Variants in ARHGAP10 observed in about 807,000 individuals in gnomAD.
ARHGAP10 encodes Rho GTPase activating protein 10.
In ARHGAP10, 87 loss-of-function variants were observed where a neutral mutation model predicts 108.6. The ratio of observed to expected loss-of-function variants is 0.80; its 90% CI spans 0.67 to 0.96. The LOEUF (loss-of-function observed/expected upper bound fraction) is 0.96. Among genes scored for constraint, ARHGAP10 ranks in the 40% least tolerant of loss-of-function variants. The pLI is 0.00. For missense variants in ARHGAP10, 939 were observed against 954.5 expected (o/e 0.98, Z 0.21); for synonymous variants, 347 against 341.1 (o/e 1.02, Z -0.19).
At chr4:147,997,742 TTGA>T (rs1324384978) in intron 18 of ARHGAP10, among the ~76,000 whole-genome samples, 1 of 152,192 alleles carries the variant, frequency 6.6e-6, no homozygotes, top group African/African-American at 2.4e-5. Flanking sequence ...AATTCTGAGG[TTGA>T]TAAGTCTTGA....
intron 18 of ARHGAP10, among the ~76,000 whole-genome samples, chr4:148,001,504 T>C (rs905806531): frequency 1.4e-4 from 22 of 152,242 alleles, no homozygotes; most frequent in Admixed American, 7.9e-4. Flanking sequence ...TTACCTTGGG[T>C]GGTATGGCCA....
At chr4:147,799,446 G>GGGCT (rs1187169357) in intron 1 of ARHGAP10, among the ~76,000 whole-genome samples, 1 of 151,826 alleles carries the variant, frequency 6.6e-6, no homozygotes, top group African/African-American at 2.4e-5. Context: ...TTTCCTCTTG[G>GGGCT]GGCTCAATGA....
chr4:147,851,742 C>A (rs1450736535), intron 4 of ARHGAP10, among the ~76,000 whole-genome samples: 1 of 152,190 alleles, frequency 6.6e-6, no homozygotes, highest in East Asian at 1.9e-4. Context: ...AATTACAACA[C>A]TGGCCAGCCT....
At chr4:147,804,674 C>T (rs1212869664) in intron 1 of ARHGAP10, among the ~76,000 whole-genome samples, 1 of 152,116 alleles carries the variant, frequency 6.6e-6, no homozygotes, top group Non-Finnish European at 1.5e-5. Context: ...TTTTGGTAGC[C>T]ATTGTGACTG....
rs1578742720 is a variant in ARHGAP10 at position 147,968,123 on chromosome 4, T to C, written c.1716+1284T>C. Among the ~76,000 whole-genome samples the C allele has an allele frequency of 2.6e-5, 4 of 152,292 alleles. 1 individual carries two copies. The highest frequency in any genetic ancestry group is 2.6e-4 in the Admixed American group (4 of 15,298). ...GAGAATTGCAAGGAGCTGGTGTCTA[T>C]TCAGTTTAGCTGGGCTTCATTTATA... is the stretch of plus-strand genomic sequence containing the variant. On this transcript the variant is annotated intron_variant, in intron 18 of 22. Transcript: ENST00000336498.
In ARHGAP10 at chr4:147,876,547, C is replaced by T. The variant is rs889815697; in HGVS notation, c.832+1397C>T. Among the ~76,000 whole-genome samples, 7 of 152,032 alleles carry T rather than the reference C, an allele frequency of 4.6e-5. No individual in the cohort carries two copies. In the South Asian group the frequency reaches 6.3e-4, roughly 14 times the overall value. On this transcript the variant is annotated intron_variant, in intron 8 of 22. Transcript: ENST00000336498. ...GGCGGAGCTTGCAGTGAGCCAAGAT[C>T]GCGCCACTGCACTCCAGCCTGGGTG...
chr4:148,001,562 C>T (rs1740719661), intron 18 of ARHGAP10, among the ~76,000 whole-genome samples: 1 of 151,864 alleles, frequency 6.6e-6, no homozygotes, highest in South Asian at 2.1e-4. Flanking sequence ...AATGTTCTTC[C>T]ATTTGTTTGT....
At chr4:148,049,270 C>T (rs570419565) in intron 20 of ARHGAP10, among the ~76,000 whole-genome samples, 1 of 152,292 alleles carries the variant, frequency 6.6e-6, no homozygotes, top group South Asian at 2.1e-4. Context: ...GTCCTGAGAG[C>T]TTGCCATTCT....
At chr4:147,770,593 CAT>C (rs1247418225) in intron 1 of ARHGAP10, among the ~76,000 whole-genome samples, 1 of 152,118 alleles carries the variant, frequency 6.6e-6, no homozygotes, top group African/African-American at 2.4e-5. Flanking sequence ...AACTTATAGT[CAT>C]GTGGTGTTAT....
chr4:147,947,871 G>A (rs906878047), intron 15 of ARHGAP10, among the ~76,000 whole-genome samples: 2 of 151,770 alleles, frequency 1.3e-5, no homozygotes, highest in Non-Finnish European at 2.9e-5. Context: ...AACCCTCATG[G>A]CTCTATTATC....
At chr4:147,834,633 T>C (rs72955587) in intron 3 of ARHGAP10, among the ~76,000 whole-genome samples, 2,463 of 151,968 alleles carry the variant, frequency 0.016, 69 homozygotes, top group African/African-American at 0.055. Flanking sequence ...TACCCCAGAA[T>C]GGCACTGCAG....
intron 18 of ARHGAP10, among the ~76,000 whole-genome samples, chr4:147,968,402 T>A (rs1739282239): frequency 6.6e-6 from 1 of 152,236 alleles, no homozygotes; most frequent in Non-Finnish European, 1.5e-5. Context: ...TTCAATCTTC[T>A]TGGGATCACA....
At chr4:147,851,697 C>T (rs1366049680) in intron 4 of ARHGAP10, among the ~76,000 whole-genome samples, 4 of 152,186 alleles carry the variant, frequency 2.6e-5, no homozygotes, top group African/African-American at 7.2e-5. Flanking sequence ...GCCTATCATA[C>T]AGCATAGTAT....
At chr4:147,793,862 A>G (rs771029105) in intron 1 of ARHGAP10, among the ~76,000 whole-genome samples, 16 of 152,264 alleles carry the variant, frequency 1.1e-4, no homozygotes, top group Non-Finnish European at 2.2e-4. Flanking sequence ...GTAGAAACAC[A>G]TAGGCATTCT....
chr4:147,787,876 G>C (rs950661047), intron 1 of ARHGAP10, among the ~76,000 whole-genome samples: 2 of 152,172 alleles, frequency 1.3e-5, no homozygotes, highest in Non-Finnish European at 2.9e-5. Flanking sequence ...CACCCGACCT[G>C]TGAGGGTTAG....
intron 20 of ARHGAP10, among the ~76,000 whole-genome samples, chr4:148,059,159 A>C (rs193085643): frequency 2.0e-5 from 3 of 152,374 alleles, no homozygotes; most frequent in African/African-American, 7.2e-5. Context: ...AAGATAGAGA[A>C]GAATCCTGTT....
chr4:147,917,100 A>G (rs987859289), intron 13 of ARHGAP10: 3 of 152,252 alleles, frequency 2.0e-5, no homozygotes, highest in Admixed American at 1.3e-4. Context: ...CAAAGATCGC[A>G]TGCACTTGGA....
At chr4:148,062,983 G>A (rs915755433) in intron 20 of ARHGAP10, among the ~76,000 whole-genome samples, 165 bp from the exon 21 acceptor site, 3 of 152,148 alleles carry the variant, frequency 2.0e-5, no homozygotes, top group East Asian at 1.9e-4. Flanking sequence ...GTTGGTATCC[G>A]TAGTTTGGGC....
intron 1 of ARHGAP10, among the ~76,000 whole-genome samples, chr4:147,790,097 C>T (rs1293199118): frequency 2.0e-5 from 3 of 149,988 alleles, no homozygotes; most frequent in African/African-American, 7.4e-5. Flanking sequence ...TTAGTTCTCA[C>T]AGTTCTGGAG....
Sources: gnomAD v4.1 joint callset for allele counts (sites outside exome capture counted in the v4.1 genomes callset) on GRCh38, gnomAD v4.1.1 for gene constraint, MANE v1.5 for transcripts, NCBI Gene and HGNC (gene_info 2026-07-23, HGNC 2026-07-21) for gene names.